The following GLI3 variants were observed in gnomAD, a reference collection of about 807,000 sequenced individuals.
GLI3 encodes GLI family zinc finger 3.
Under a neutral mutation model 100.8 loss-of-function variants are expected in GLI3, and 20 were observed. That is an observed-to-expected ratio of 0.20 (90% CI 0.14 to 0.29). The LOEUF (loss-of-function observed/expected upper bound fraction) is 0.29, where lower values mean the gene tolerates loss of function less well. GLI3 is among the 10% of genes least tolerant of loss of function. The pLI, the probability that GLI3 is intolerant of heterozygous loss-of-function variation, is 1.00. For synonymous variants in GLI3, 938 were observed against 860.5 expected (o/e 1.09, Z -1.58); for missense variants, 2,040 against 2,128.5 (o/e 0.96, Z 0.82).
chr7:42,172,408 C>A, intron 2 of GLI3: 1 of 611,938 alleles, frequency 1.6e-6, no homozygotes, highest in Non-Finnish European at 2.9e-6. Context: ...GCATGGCTGG[C>A]ATTTCTATCA....
At chr7:42,247,326 G>A (rs530595116) in intron 1 of GLI3, among the ~76,000 whole-genome samples, 63 of 152,210 alleles carry the variant, frequency 4.1e-4, no homozygotes, top group South Asian at 1.0e-3. Flanking sequence ...TGTATGGGCC[G>A]GAGGCTGGTT....
chr7:42,249,957 T>A (rs1269438826), intron 1 of GLI3, among the ~76,000 whole-genome samples: 3 of 152,024 alleles, frequency 2.0e-5, no homozygotes, highest in African/African-American at 7.2e-5. Flanking sequence ...TAGCCAGGCA[T>A]GGTGTTGCAT....
chr7:42,161,547 T>C (rs1787130633), intron 2 of GLI3, among the ~76,000 whole-genome samples: 1 of 152,192 alleles, frequency 6.6e-6, no homozygotes, highest in Non-Finnish European at 1.5e-5. Flanking sequence ...AACTATCATC[T>C]CCACAGTATT....
chr7:42,110,422 G>A (rs1291529184), intron 3 of GLI3, among the ~76,000 whole-genome samples: 1 of 152,208 alleles, frequency 6.6e-6, no homozygotes, highest in African/African-American at 2.4e-5. Context: ...CATCATGCTA[G>A]GCATTCAAGA....
At chr7:41,983,060 C>T (rs1787718827) in intron 10 of GLI3, among the ~76,000 whole-genome samples, 1 of 152,034 alleles carries the variant, frequency 6.6e-6, no homozygotes, top group African/African-American at 2.4e-5. Context: ...TATTCTTTGA[C>T]TTTTTTTTCA....
chr7:42,229,339 T>C (rs1011074833), intron 1 of GLI3, among the ~76,000 whole-genome samples: 1 of 152,216 alleles, frequency 6.6e-6, no homozygotes, highest in African/African-American at 2.4e-5. Context: ...TTAAAACAGC[T>C]ACTGGCAATA....
intron 1 of GLI3, among the ~76,000 whole-genome samples, chr7:42,235,960 G>T (rs1788782100): frequency 6.6e-6 from 1 of 152,188 alleles, no homozygotes; most frequent in African/African-American, 2.4e-5. Flanking sequence ...AGTTGGGGCA[G>T]GATGACCAGC....
At chr7:42,092,536 T>C (rs1426048445) in intron 3 of GLI3, among the ~76,000 whole-genome samples, 1 of 152,102 alleles carries the variant, frequency 6.6e-6, no homozygotes, top group Non-Finnish European at 1.5e-5. Flanking sequence ...CATGAGCAGG[T>C]TAAAGTCTGG....
chr7:42,148,769 C>A lies in GLI3; in HGVS notation c.125-301G>T, dbSNP rs375563843. Among the ~76,000 whole-genome samples, 267 of 152,280 alleles carry A rather than the reference C, an allele frequency of 1.8e-3. 1 individual carries two copies. The highest frequency in any genetic ancestry group is 6.2e-3 in the African/African-American group (258 of 41,566). On this transcript the variant is annotated intron_variant, in intron 2 of 14. Transcript: ENST00000395925. Reference sequence around the variant, plus strand: ...TCACCAGCTTCTAGATGGGTCTGCCCATGAGGTTTCTGCTCATGGGCTGGC... The same window carrying A: ...TCACCAGCTTCTAGATGGGTCTGCCAATGAGGTTTCTGCTCATGGGCTGGC...
chr7:42,172,892 T>C (rs939955826), intron 2 of GLI3, among the ~76,000 whole-genome samples: 2 of 152,220 alleles, frequency 1.3e-5, no homozygotes, highest in Non-Finnish European at 2.9e-5. Flanking sequence ...TTTACAATTA[T>C]GAAAACAGAC....
rs948887885 is a variant in GLI3 at position 42,159,143 on chromosome 7, C to CA, written c.125-10676dup. Among the ~76,000 whole-genome samples the CA allele has an allele frequency of 1.1e-4, 16 of 151,744 alleles. No individual in the cohort carries two copies. In the South Asian group the frequency reaches 1.3e-3, roughly 12 times the overall value. On this transcript the variant is annotated intron_variant, in intron 2 of 14. Coordinates refer to ENST00000395925, the MANE Select transcript of GLI3 (RefSeq NM_000168.6). ...TTTGCAAAAAAACAAAACAAACAAA[C>CA]AAAAAAAACACTGTCTTCAGGGGGA...
chr7:42,074,488 C>T (rs1262237736), intron 4 of GLI3, among the ~76,000 whole-genome samples: 2 of 152,224 alleles, frequency 1.3e-5, no homozygotes, highest in African/African-American at 2.4e-5. Context: ...AAAAGCATCA[C>T]AACAAAGCTA....
At chr7:42,107,824 C>A (rs528340363) in intron 3 of GLI3, among the ~76,000 whole-genome samples, 1 of 152,158 alleles carries the variant, frequency 6.6e-6, no homozygotes, top group Non-Finnish European at 1.5e-5. Flanking sequence ...ATCAGCAACG[C>A]GACCTGTGTT....
intron 3 of GLI3, among the ~76,000 whole-genome samples, chr7:42,132,091 T>TTA (rs1167035245): frequency 6.6e-6 from 1 of 151,842 alleles, no homozygotes; most frequent in African/African-American, 2.4e-5. Flanking sequence ...ATTTATTTAT[T>TTA]TATTTATTCA....
chr7:42,105,067 A>G (rs1443357218), intron 3 of GLI3, among the ~76,000 whole-genome samples: 1 of 152,202 alleles, frequency 6.6e-6, no homozygotes, highest in Non-Finnish European at 1.5e-5. Flanking sequence ...ACACTGTGAA[A>G]TTGCCTTCAT....
At chr7:42,058,009 C>A (rs1440643920) in intron 4 of GLI3, among the ~76,000 whole-genome samples, 1 of 151,624 alleles carries the variant, frequency 6.6e-6, no homozygotes, top group East Asian at 1.9e-4. Flanking sequence ...ATCCATGTAA[C>A]CAAAAACCAC....
intron 2 of GLI3, among the ~76,000 whole-genome samples, chr7:42,156,014 G>C (rs561228053): frequency 6.6e-6 from 1 of 152,116 alleles, no homozygotes; most frequent in Non-Finnish European, 1.5e-5. Context: ...TGATGACGAG[G>C]TCAGCGAAGA....
At chr7:42,009,382 C>T (rs926783827) in intron 10 of GLI3, among the ~76,000 whole-genome samples, 5 of 151,828 alleles carry the variant, frequency 3.3e-5, no homozygotes, top group African/African-American at 1.2e-4. Context: ...CTAGAATTGA[C>T]TTGACCCTAC....
chr7:42,147,387 T>C (rs1786739765), intron 3 of GLI3, among the ~76,000 whole-genome samples: 1 of 152,196 alleles, frequency 6.6e-6, no homozygotes, highest in Non-Finnish European at 1.5e-5. Flanking sequence ...TGGAGCTCAA[T>C]GGATCATCTG....
Sources: gnomAD v4.1 joint callset for allele counts (sites outside exome capture counted in the v4.1 genomes callset) on GRCh38, gnomAD v4.1.1 for gene constraint, MANE v1.5 for transcripts, NCBI Gene and HGNC (gene_info 2026-07-23, HGNC 2026-07-21) for gene names.